Variants in WDR70 observed in about 807,000 individuals in gnomAD.
WDR70 encodes the protein WD repeat domain 70, also known as WD repeat-containing protein 70.
In WDR70, 53 loss-of-function variants were observed where a neutral mutation model predicts 88.6. The ratio of observed to expected loss-of-function variants is 0.60; its 90% confidence interval spans 0.48 to 0.75. The LOEUF (loss-of-function observed/expected upper bound fraction) is 0.75, where lower values mean the gene tolerates loss of function less well. WDR70 is among the 30% of genes least tolerant of loss of function. WDR70 has a pLI of 0.00. For missense variants in WDR70, 610 were observed against 823.2 expected, an observed-to-expected ratio of 0.74 and a Z score of 3.17; for synonymous variants, 280 against 270.0, an observed-to-expected ratio of 1.04 and a Z score of -0.36.
At chr5:37,585,282 G>A (rs550022284) in intron 9 of WDR70, among the ~76,000 whole-genome samples, 3 of 152,122 alleles carry the variant, frequency 2.0e-5, no homozygotes, top group Non-Finnish European at 4.4e-5. Flanking sequence ...GAGCTACCGC[G>A]CCCAGCCTCC....
chr5:37,600,793 A>G (rs1163968969), intron 9 of WDR70, among the ~76,000 whole-genome samples: 1 of 132,964 alleles, frequency 7.5e-6, no homozygotes, highest in African/African-American at 2.5e-5. Context: ...CTCACATATT[A>G]CAGGTACAAA....
At chr5:37,548,289 CA>C (rs1742050771) in intron 9 of WDR70, among the ~76,000 whole-genome samples, 1 of 152,088 alleles carries the variant, frequency 6.6e-6, no homozygotes, top group African/African-American at 2.4e-5. Flanking sequence ...CCTTTTTCTC[CA>C]TATCCTTGCT....
At chr5:37,494,453 CTGTG>C (rs1382020832) in intron 8 of WDR70, among the ~76,000 whole-genome samples, 1 of 152,074 alleles carries the variant, frequency 6.6e-6, no homozygotes, top group Non-Finnish European at 1.5e-5. Context: ...ACTACGGTGA[CTGTG>C]GGGGAGAACG....
chr5:37,683,865 T>C (rs1238756338), intron 10 of WDR70, among the ~76,000 whole-genome samples: 1 of 152,204 alleles, frequency 6.6e-6, no homozygotes, highest in Non-Finnish European at 1.5e-5. Context: ...TCTCTGCATT[T>C]CCTGAATGTG....
At chr5:37,729,531 A>G (rs972630745) in intron 17 of WDR70, among the ~76,000 whole-genome samples, 5 of 152,116 alleles carry the variant, frequency 3.3e-5, no homozygotes, top group Non-Finnish European at 7.4e-5. Flanking sequence ...CCCAGCTCTT[A>G]TTTGTTCAGG....
Position 37,632,255 on chromosome 5 carries a change from T to G in WDR70, c.1092+27017T>G, listed in dbSNP as rs182084170. 7.9e-4 allele frequency among the ~76,000 whole-genome samples: 120 copies of G among 152,324 alleles called. 2 individuals are homozygous for G. Among genetic ancestry groups the G allele is most frequent in the Admixed American group, 7.7e-3 (117 of 15,292 alleles). ...AAAGTAGAGCAGATACAGTTATGTA[T>G]AGTACAAAATACTTGATAATAAATG... On this transcript the variant is annotated intron_variant, in intron 10 of 17. Coordinates refer to ENST00000265107, the MANE Select transcript of WDR70 (RefSeq NM_018034.4).
intron 10 of WDR70, among the ~76,000 whole-genome samples, chr5:37,651,857 A>G (rs1366772939): frequency 6.6e-6 from 1 of 152,132 alleles, no homozygotes; most frequent in Non-Finnish European, 1.5e-5. Flanking sequence ...TCTGGATATT[A>G]GCCCTTTGTC....
chr5:37,582,408 TATAAC>T, intron 9 of WDR70, among the ~76,000 whole-genome samples: 1 of 152,214 alleles, frequency 6.6e-6, no homozygotes, highest in Non-Finnish European at 1.5e-5. Context: ...ATATCAGCAA[TATAAC>T]ATAAGAATGC....
chr5:37,553,423 C>T (rs953566987), intron 9 of WDR70, among the ~76,000 whole-genome samples: 2 of 152,068 alleles, frequency 1.3e-5, no homozygotes, highest in Non-Finnish European at 1.5e-5. Context: ...TGTGGTAGTG[C>T]GGTGCTTTTT....
At chr5:37,497,976 T>G (rs1411844182) in intron 8 of WDR70, among the ~76,000 whole-genome samples, 1 of 152,044 alleles carries the variant, frequency 6.6e-6, no homozygotes, top group East Asian at 1.9e-4. Context: ...CGTGCTCCAC[T>G]AAACCTATCT....
At chr5:37,422,382 C>T (rs1405254192) in intron 5 of WDR70, among the ~76,000 whole-genome samples, 1 of 149,262 alleles carries the variant, frequency 6.7e-6, no homozygotes, top group African/African-American at 2.5e-5. Context: ...ATCTCCACTT[C>T]CCGGACTCAA....
chr5:37,514,336 C>CTATATATATATA (rs1385732925), intron 8 of WDR70, among the ~76,000 whole-genome samples: 1 of 10,944 alleles, frequency 9.1e-5, no homozygotes. Context: ...ATATTTAGAA[C>CTATATATATATA]TACATATATA....
chr5:37,585,374 A>AGT (rs1185509382), intron 9 of WDR70, among the ~76,000 whole-genome samples: 7 of 152,182 alleles, frequency 4.6e-5, no homozygotes, highest in African/African-American at 1.7e-4. Flanking sequence ...AATAGAGCTG[A>AGT]GTGACTTGTT....
At chr5:37,453,242 C>A (rs6876026) in intron 7 of WDR70, among the ~76,000 whole-genome samples, 1 of 152,192 alleles carries the variant, frequency 6.6e-6, no homozygotes, top group Non-Finnish European at 1.5e-5. Context: ...AAATATAGAG[C>A]TGTGAAGTGG....
chr5:37,751,457 G>A (rs1017107908), intron 17 of WDR70, among the ~76,000 whole-genome samples: 2 of 152,182 alleles, frequency 1.3e-5, no homozygotes, highest in Admixed American at 6.5e-5. Context: ...TCTAGTACAT[G>A]ACTCATGTCA....
chr5:37,420,375 T>A (rs912390292), intron 5 of WDR70, among the ~76,000 whole-genome samples: 4 of 152,202 alleles, frequency 2.6e-5, no homozygotes, highest in African/African-American at 9.6e-5. Context: ...TCCTTGATCT[T>A]TCACCTTTTG....
rs947659723 is a variant in WDR70 at position 37,752,629 on chromosome 5, G to GT, written c.*66dup. The GT allele has an allele frequency of 0.022, 23,391 of 1,067,736 alleles. No individual in the cohort carries two copies. The highest frequency in any genetic ancestry group is 0.025 in the South Asian group (1,411 of 55,860). 66.1% of individuals were successfully genotyped at this position (1,067,736 alleles called of 1,614,324 possible). On this transcript the variant is annotated 3_prime_UTR_variant, in exon 18 of 18. Transcript: ENST00000265107. The stretch of plus-strand genomic sequence containing the variant: ...TGGGAGGGGTATGGGACAGGTTTGG[G>GT]TTTTTTTTTTATGCTCATGAAATTA...
At chr5:37,402,114 T>G in intron 5 of WDR70, among the ~76,000 whole-genome samples, 1 of 152,226 alleles carries the variant, frequency 6.6e-6, no homozygotes, top group East Asian at 1.9e-4. Context: ...CTTTCGTTTC[T>G]GTTTCTACTA....
intron 9 of WDR70, among the ~76,000 whole-genome samples, chr5:37,575,075 C>T (rs1298021697): frequency 1.3e-5 from 2 of 152,192 alleles, no homozygotes; most frequent in African/African-American, 4.8e-5. Flanking sequence ...CTGTCTTACT[C>T]ATCTCTGTGT....
Sources: allele counts gnomAD v4.1 joint callset (sites outside exome capture counted in the v4.1 genomes callset), GRCh38; gene constraint gnomAD v4.1.1; transcripts MANE v1.5; gene names NCBI Gene and HGNC (gene_info 2026-07-23, HGNC 2026-07-21).